The following DDX60 variants were observed in gnomAD, a reference collection of about 807,000 sequenced individuals.
DDX60 encodes the protein probable ATP-dependent RNA helicase DDX60.
DDX60 carries 165 observed loss-of-function variants against 212.8 expected under a neutral mutation model. That is an observed-to-expected ratio of 0.78 (90% CI 0.68 to 0.88). DDX60 has a LOEUF of 0.88. DDX60 is among the 40% of genes least tolerant of loss of function. The pLI is 0.00. For missense variants in DDX60, 1,905 were observed against 2,003.9 expected (o/e 0.95, Z 0.94); for synonymous variants, 703 against 685.3 (o/e 1.03, Z -0.40).
At chr4:168,256,605 T>C (rs1408458862) in intron 25 of DDX60, among the ~76,000 whole-genome samples, 3 of 152,162 alleles carry the variant, frequency 2.0e-5, no homozygotes, top group African/African-American at 7.2e-5. Context: ...GTAAAATGTT[T>C]CTAGAGGAAG....
intron 5 of DDX60, among the ~76,000 whole-genome samples, chr4:168,304,587 G>C (rs1309098475): frequency 2.6e-5 from 4 of 152,038 alleles, no homozygotes; most frequent in Admixed American, 2.6e-4. Context: ...TGTAATCCCA[G>C]CCACTCGACA....
At chr4:168,311,716 G>A (rs78253803) in intron 1 of DDX60, among the ~76,000 whole-genome samples, 2,147 of 152,252 alleles carry the variant, frequency 0.014, 55 homozygotes, top group African/African-American at 0.05. Flanking sequence ...GTGAAGGGTT[G>A]TGGGTGACAT....
At chr4:168,244,365 G>A (rs1459464408) in intron 30 of DDX60, among the ~76,000 whole-genome samples, 1 of 152,180 alleles carries the variant, frequency 6.6e-6, no homozygotes, top group South Asian at 2.1e-4. Flanking sequence ...CTATGGTATA[G>A]AGACAATATA....
At chr4:168,263,127 G>A (rs1734693611) in intron 22 of DDX60, among the ~76,000 whole-genome samples, 1 of 152,152 alleles carries the variant, frequency 6.6e-6, no homozygotes. Flanking sequence ...CTATCTTACA[G>A]CTAACACCAA....
chr4:168,231,025 C>G (rs1323215004), intron 33 of DDX60, among the ~76,000 whole-genome samples: 1 of 151,468 alleles, frequency 6.6e-6, no homozygotes, highest in East Asian at 1.9e-4. Context: ...ATATTACAAC[C>G]AATACCACAG....
At chr4:168,268,511 A>G (rs796599308) in intron 20 of DDX60, among the ~76,000 whole-genome samples, 4 of 152,316 alleles carry the variant, frequency 2.6e-5, no homozygotes, top group African/African-American at 9.6e-5. Context: ...AATGGACCAC[A>G]GGACCCATGG....
chr4:168,216,957 A>T lies in DDX60; in HGVS notation c.5115T>A (p.Phe1705Leu). 1.2e-6 allele frequency: 2 copies of T among 1,601,632 alleles called. No homozygotes were observed. Among genetic ancestry groups the T allele is most frequent in the Non-Finnish European group, 1.7e-6 (2 of 1,176,194 alleles). The change falls in exon 38 of 38, where the codon TTT becomes TTA. Residue 1705 changes from phenylalanine to leucine, a missense_variant. Phe to Leu is a conservative substitution (Grantham distance 22, BLOSUM62 0). Coordinates refer to ENST00000393743, the MANE Select transcript of DDX60 (RefSeq NM_017631.6). ...TTTAGACTTTGTTTAACTTTTCCCA[A>T]AAAGTTGTACTCAGTTGTTCAAAGG... ...VLAFEQLSTT[F>L]WEKLNKV
intron 14 of DDX60, among the ~76,000 whole-genome samples, chr4:168,277,447 C>G (rs571200564): frequency 1.3e-4 from 20 of 152,174 alleles, no homozygotes; most frequent in African/African-American, 3.6e-4. Flanking sequence ...CCCTTGGGAC[C>G]CTCTCTGAGA....
chr4:168,257,623 G>A (rs536067064), intron 25 of DDX60, among the ~76,000 whole-genome samples: 1 of 152,156 alleles, frequency 6.6e-6, no homozygotes, highest in Admixed American at 6.5e-5. Flanking sequence ...TTTCATCATA[G>A]CACTTCATTT....
chr4:168,302,454 T>C (rs1414982601), intron 5 of DDX60, 38 bp from the exon 6 acceptor site: 8 of 888,228 alleles, frequency 9.0e-6, no homozygotes, highest in Non-Finnish European at 1.3e-5. Context: ...TTGTTATAAA[T>C]AAAATATGTA....
In DDX60 at chr4:168,281,696, C is replaced by A. The variant is rs535562322; in HGVS notation, c.1723-1106G>T. Among the ~76,000 whole-genome samples, 22 of 152,304 alleles carry A rather than the reference C, an allele frequency of 1.4e-4. 1 individual carries two copies. In the South Asian group the frequency reaches 4.3e-3, roughly 30 times the overall value. ...ACAAATTAGAGAATTGTTGTATTAG[C>A]AAGAGGATTCCAACACATTTTCCAC... On this transcript the variant is annotated intron_variant, in intron 13 of 37. Coordinates refer to ENST00000393743, the MANE Select transcript of DDX60 (RefSeq NM_017631.6).
At chr4:168,236,414 A>G (rs370122048) in intron 32 of DDX60, 41 bp from the exon 33 acceptor site, 45 of 1,502,516 alleles carry the variant, frequency 3.0e-5, no homozygotes, top group African/African-American at 1.4e-5. Flanking sequence ...ATGAAAGGGT[A>G]TAATTCTATT....
At chr4:168,312,754 G>GATAGATAGATAGATAGATATGAT (rs1367037850) in intron 1 of DDX60, among the ~76,000 whole-genome samples, 1 of 71,534 alleles carries the variant, frequency 1.4e-5, no homozygotes, top group Non-Finnish European at 2.7e-5. Flanking sequence ...AGATATGATA[G>GATAGATAGATAGATAGATATGAT]AGAGAGAGAG....
intron 18 of DDX60, 144 bp from the exon 19 acceptor site, chr4:168,272,282 G>T: frequency 3.0e-6 from 2 of 668,442 alleles, no homozygotes; most frequent in Non-Finnish European, 2.5e-6. Flanking sequence ...AGAATTCAGG[G>T]TTTCATCAAA....
At chr4:168,277,519 C>T (rs1174190279) in intron 14 of DDX60, among the ~76,000 whole-genome samples, 3 of 152,198 alleles carry the variant, frequency 2.0e-5, no homozygotes, top group African/African-American at 7.2e-5. Context: ...GGGATCTGAG[C>T]TAAACTGTGG....
Position 168,291,778 on chromosome 4 carries a change from C to T in DDX60, c.1011G>A (p.Trp337Ter). Residue 337 changes from tryptophan (W) to a stop codon, truncating the protein, a stop_gained, in exon 8 of 38, where the codon TGG (tryptophan) becomes TGA (stop). Transcript: ENST00000393743. LOFTEE classifies it high-confidence loss of function. Reference protein sequence around the residue: ...RACARVITSHWAEDMKPLLQM... With the variant: ...RACARVITSH ...GTAATAAAGGCTTCATGTCCTCAGC[C>T]CAATGGGAAGTGATGACTCTAGCAC... is the stretch of plus-strand genomic sequence containing the variant. The T allele has an allele frequency of 6.2e-7, 1 of 1,607,664 alleles. No individual in the cohort carries two copies. The highest frequency in any genetic ancestry group is 8.5e-7 in the Non-Finnish European group (1 of 1,177,506).
At chr4:168,254,491 C>T (rs1734331930) in intron 26 of DDX60, among the ~76,000 whole-genome samples, 1 of 152,072 alleles carries the variant, frequency 6.6e-6, no homozygotes, top group African/African-American at 2.4e-5. Context: ...AAAGCTGTTT[C>T]AACTTGGAGA....
At chr4:168,220,014 CA>C (rs1732993657) in intron 37 of DDX60, among the ~76,000 whole-genome samples, 1 of 151,026 alleles carries the variant, frequency 6.6e-6, no homozygotes, top group Non-Finnish European at 1.5e-5. Context: ...CCAGCCTGGG[CA>C]ACAAGGGCAA....
intron 3 of DDX60, among the ~76,000 whole-genome samples, chr4:168,308,410 G>C (rs543751600): frequency 2.0e-5 from 3 of 152,054 alleles, no homozygotes; most frequent in Non-Finnish European, 2.9e-5. Flanking sequence ...TAGGCTCAGA[G>C]AGCAAAGTAT....
Sources: allele counts gnomAD v4.1 joint callset (sites outside exome capture counted in the v4.1 genomes callset), GRCh38; gene constraint gnomAD v4.1.1; transcripts MANE v1.5; gene names NCBI Gene and HGNC (gene_info 2026-07-23, HGNC 2026-07-21).